The following TRIM5 variants were observed in gnomAD, a reference collection of about 807,000 sequenced individuals.
The protein encoded by TRIM5 is tripartite motif-containing protein 5.
Under a neutral mutation model 35.6 loss-of-function variants are expected in TRIM5, and 31 were observed. That is an observed-to-expected ratio of 0.87 (90% confidence interval 0.65 to 1.18). The LOEUF (loss-of-function observed/expected upper bound fraction) is 1.18, where lower values mean the gene tolerates loss of function less well. Among genes scored for constraint, TRIM5 ranks in the 50% most tolerant of loss-of-function variants. The pLI is 0.00. For missense variants in TRIM5, 609 were observed against 591.6 expected (o/e 1.03, Z -0.31); for synonymous variants, 243 against 215.6 (o/e 1.13, Z -1.11).
chr11:5,594,075 T>C, the TRIM5 span, among the ~76,000 whole-genome samples: 1 of 152,226 alleles, frequency 6.6e-6, no homozygotes, highest in South Asian at 2.1e-4. Flanking sequence ...TATGTTTTCA[T>C]TTCTTTTGAG....
chr11:5,662,302 A>G (rs1466150603), downstream of TRIM5, among the ~76,000 whole-genome samples: 1 of 152,240 alleles, frequency 6.6e-6, no homozygotes, highest in Non-Finnish European at 1.5e-5. Flanking sequence ...AAAACTTGGG[A>G]AAGAGTTGGA....
chr11:5,604,375 G>GTA, the TRIM5 span, among the ~76,000 whole-genome samples: 2 of 152,118 alleles, frequency 1.3e-5, no homozygotes, highest in East Asian at 1.9e-4. Flanking sequence ...TTCATCCCAT[G>GTA]TATATATATA....
the TRIM5 span, among the ~76,000 whole-genome samples, chr11:5,648,563 C>T: frequency 6.6e-6 from 1 of 152,122 alleles, no homozygotes; most frequent in East Asian, 1.9e-4. Flanking sequence ...ACACACGAGG[C>T]TTCATCACAT....
chr11:5,638,484 G>A, the TRIM5 span, among the ~76,000 whole-genome samples: 1 of 143,568 alleles, frequency 7.0e-6, no homozygotes, highest in Non-Finnish European at 1.5e-5. Context: ...TTGTACACCA[G>A]CTGGTGTCAT....
chr11:5,637,703 C>T, the TRIM5 span, among the ~76,000 whole-genome samples: 1 of 152,148 alleles, frequency 6.6e-6, no homozygotes, highest in Non-Finnish European at 1.5e-5. Flanking sequence ...TTTTCACCAT[C>T]CCAAACTGAA....
the TRIM5 span, among the ~76,000 whole-genome samples, chr11:5,637,751 G>A: frequency 6.6e-6 from 1 of 152,040 alleles, no homozygotes; most frequent in African/African-American, 2.4e-5. Context: ...ATTCCCTTTG[G>A]TCACCACTGC....
At chr11:5,591,571 C>T in the TRIM5 span, among the ~76,000 whole-genome samples, 3 of 152,070 alleles carry the variant, frequency 2.0e-5, no homozygotes, top group Admixed American at 6.6e-5. Flanking sequence ...TCGCTTGAAC[C>T]TGGGAGGCGG....
At chr11:5,641,556 A>G in the TRIM5 span, among the ~76,000 whole-genome samples, 1 of 152,146 alleles carries the variant, frequency 6.6e-6, no homozygotes, top group African/African-American at 2.4e-5. Context: ...GCCTTGTCAA[A>G]TCCTAAAATA....
chr11:5,642,414 T>C, the TRIM5 span: 1 of 1,611,942 alleles, frequency 6.2e-7, no homozygotes, highest in Admixed American at 1.7e-5. Flanking sequence ...AGGAGTGAGA[T>C]CTGGAGGCTG....
At chr11:5,641,120 C>T in the TRIM5 span, 2 of 1,601,434 alleles carry the variant, frequency 1.2e-6, no homozygotes, top group South Asian at 1.1e-5. Flanking sequence ...ATTAGTCTTA[C>T]ACCAGTCTTT....
the TRIM5 span, among the ~76,000 whole-genome samples, chr11:5,606,083 G>A: frequency 1.3e-5 from 2 of 152,124 alleles, no homozygotes; most frequent in African/African-American, 2.4e-5. Flanking sequence ...GGCACCTCTC[G>A]TCTCTGATGC....
At chr11:5,627,740 T>G in the TRIM5 span, among the ~76,000 whole-genome samples, 1 of 152,220 alleles carries the variant, frequency 6.6e-6, no homozygotes, top group African/African-American at 2.4e-5. Context: ...TTCTGAGCTC[T>G]CAGGGTCTCT....
the TRIM5 span, among the ~76,000 whole-genome samples, chr11:5,639,686 A>T: frequency 6.9e-6 from 1 of 145,926 alleles, no homozygotes; most frequent in African/African-American, 2.6e-5. Context: ...TTTCAAAAAA[A>T]AAAAAAAAAA....
intron 4 of TRIM5, among the ~76,000 whole-genome samples, chr11:5,671,498 AATG>A (rs1035363276): frequency 2.0e-5 from 3 of 152,126 alleles, no homozygotes; most frequent in African/African-American, 4.8e-5. Flanking sequence ...GAGAGATAGA[AATG>A]ATAAGGAAAT....
intron 5 of TRIM5, 26 bp from the exon 6 acceptor site, chr11:5,666,107 A>T: frequency 6.7e-7 from 1 of 1,502,360 alleles, no homozygotes; most frequent in Non-Finnish European, 9.1e-7. Context: ...AAAAAAAAAA[A>T]CTTCCAAACC....
At chr11:5,642,352 G>C in the TRIM5 span, 1 of 1,504,670 alleles carries the variant, frequency 6.6e-7, no homozygotes. Flanking sequence ...TGATGTGGGA[G>C]GGATGGACAC....
At chr11:5,599,327 G>A in the TRIM5 span, among the ~76,000 whole-genome samples, 1 of 152,078 alleles carries the variant, frequency 6.6e-6, no homozygotes, top group Non-Finnish European at 1.5e-5. Flanking sequence ...GTGTTTGTTG[G>A]GGAGGATGAA....
intron 2 of TRIM5, 76 bp from the exon 3 acceptor site, chr11:5,679,245 A>G: frequency 7.8e-7 from 1 of 1,286,484 alleles, no homozygotes; most frequent in Non-Finnish European, 1.1e-6. Context: ...CATGAAATAA[A>G]TCAGGTTGAT....
the TRIM5 span, chr11:5,611,412 A>G: frequency 8.0e-7 from 1 of 1,249,964 alleles, no homozygotes; most frequent in Non-Finnish European, 1.1e-6. Flanking sequence ...CTCCCTTCTG[A>G]TCTTCTGTTT....
Sources: gnomAD v4.1 joint callset for allele counts (sites outside exome capture counted in the v4.1 genomes callset) on GRCh38, gnomAD v4.1.1 for gene constraint, MANE v1.5 for transcripts, NCBI Gene and HGNC (gene_info 2026-07-23, HGNC 2026-07-21) for gene names.